Variants in ACTL8 observed in about 807,000 individuals in gnomAD.
The protein encoded by ACTL8 is actin like 8.
Under a neutral mutation model 9.3 loss-of-function variants are expected in ACTL8, and 3 were observed. The ratio of observed to expected loss-of-function variants is 0.32; its 90% CI spans 0.15 to 0.83. The LOEUF (loss-of-function observed/expected upper bound fraction) is 0.83. Among genes scored for constraint, ACTL8 ranks in the 40% least tolerant of loss-of-function variants. ACTL8 has a pLI of 0.57. For synonymous variants in ACTL8, 224 were observed against 205.9 expected (o/e 1.09, Z -0.75); for missense variants, 381 against 492.2 (o/e 0.77, Z 2.14).
chr1:17,827,027 T>C lies in ACTL8; in HGVS notation c.*508T>C, dbSNP rs2053729357. 1 of 152,646 alleles carries C rather than the reference T, an allele frequency of 6.6e-6. No individual in the cohort carries two copies. The highest frequency in any genetic ancestry group is 2.4e-5 in the African/African-American group (1 of 41,438). The allele number at this position is 152,646 out of a possible 1,614,324, so 9.5% of individuals were successfully genotyped here. The stretch of plus-strand genomic sequence containing the variant: ...CCTTGCCACCCGTGGTTGGATCTTG[T>C]TTTATATCTGCAAATAAATAGCTTG... On this transcript the variant is annotated 3_prime_UTR_variant, in exon 3 of 3. Coordinates refer to ENST00000375406, the MANE Select transcript of ACTL8 (RefSeq NM_030812.3).
chr1:17,765,379 C>T (rs1356934491), intron 1 of ACTL8, among the ~76,000 whole-genome samples: 1 of 152,166 alleles, frequency 6.6e-6, no homozygotes, highest in Admixed American at 6.5e-5. Flanking sequence ...CTCCTTGCCT[C>T]CAAACCACCT....
chr1:17,826,609 A>C lies in ACTL8; in HGVS notation c.*90A>C. Reference sequence around the variant, plus strand: ...AAATGTTCTGGGTGGGGGTAGAATGAGGTGGGGTGGGGTGAGCTGGCTTTG... The same window carrying C: ...AAATGTTCTGGGTGGGGGTAGAATGCGGTGGGGTGGGGTGAGCTGGCTTTG... On this transcript the variant is annotated 3_prime_UTR_variant, in exon 3 of 3. Transcript: ENST00000375406. This position sits in a 1 kb window ranked among gnomAD's most constrained non-coding sequence, Gnocchi z 4.5. 2 of 917,758 alleles carry C rather than the reference A, an allele frequency of 2.2e-6. No individual in the cohort carries two copies. The highest frequency in any genetic ancestry group is 3.6e-5 in the East Asian group (1 of 27,904). 56.9% of individuals were successfully genotyped at this position (917,758 alleles called of 1,614,324 possible). A position where few individuals can be genotyped will look rare whatever the true frequency, so the allele number is the denominator to read the frequency against.
At chr1:17,775,461 A>G (rs1044101067) in intron 1 of ACTL8, among the ~76,000 whole-genome samples, 12 of 152,128 alleles carry the variant, frequency 7.9e-5, no homozygotes, top group African/African-American at 2.7e-4. Flanking sequence ...AGGGAAGTGA[A>G]GAGAGAGGTA....
intron 1 of ACTL8, among the ~76,000 whole-genome samples, chr1:17,798,880 A>T (rs1319330997): frequency 6.6e-6 from 1 of 152,214 alleles, no homozygotes; most frequent in African/African-American, 2.4e-5. Context: ...CTTAACCGAC[A>T]TCACTAGTCT....
intron 1 of ACTL8, among the ~76,000 whole-genome samples, chr1:17,802,934 G>A (rs753027226): frequency 2.0e-5 from 3 of 152,158 alleles, no homozygotes; most frequent in African/African-American, 7.2e-5. Context: ...GCAGTAAGCC[G>A]AGATCGTGCC....
chr1:17,770,229 TTAGCC>T (rs905099519), intron 1 of ACTL8, among the ~76,000 whole-genome samples: 4 of 152,222 alleles, frequency 2.6e-5, no homozygotes, highest in Admixed American at 6.5e-5. Flanking sequence ...TGCTGCAGAC[TTAGCC>T]TAGCCTAGTT....
rs1557449147 is a variant in ACTL8 at position 17,823,024 on chromosome 1, GT to G, written c.18del (p.Ile7SerfsTer9). MAART[V>X]IIDHGSGFLK... ...TGCCTCCGCCATGGCTGCAAGAACCGTTATCATTGACCACGGGTCTGGCTTT... is the reference window on the plus strand; with the variant it reads ...TGCCTCCGCCATGGCTGCAAGAACCGTATCATTGACCACGGGTCTGGCTTT... On this transcript the variant is annotated frameshift_variant, in exon 2 of 3. Transcript: ENST00000375406. LOFTEE classifies it high-confidence loss of function. The surrounding 1 kb of genome is among the most constrained non-coding windows in gnomAD (Gnocchi z 5.3). 1 of 1,613,934 alleles carries G rather than the reference GT, an allele frequency of 6.2e-7. No homozygotes were observed. Among genetic ancestry groups the G allele is most frequent in the Non-Finnish European group, 8.5e-7 (1 of 1,179,938 alleles).
chr1:17,781,274 C>T (rs185005855), intron 1 of ACTL8, among the ~76,000 whole-genome samples: 20 of 151,050 alleles, frequency 1.3e-4, no homozygotes, highest in Admixed American at 9.9e-4. Flanking sequence ...AGAGTCTCAC[C>T]CTGTCACCCA....
intron 1 of ACTL8, among the ~76,000 whole-genome samples, chr1:17,787,239 A>G (rs1187657469): frequency 6.6e-6 from 1 of 152,030 alleles, no homozygotes; most frequent in African/African-American, 2.4e-5. Flanking sequence ...TCCTATGGAA[A>G]TCCTCCCACC....
At chr1:17,789,707 A>C (rs900947106) in intron 1 of ACTL8, among the ~76,000 whole-genome samples, 2 of 152,232 alleles carry the variant, frequency 1.3e-5, no homozygotes, top group Admixed American at 1.3e-4. Context: ...ACTTGGGTTC[A>C]GAGAGGTTGA....
Position 17,825,793 on chromosome 1 carries a change from A to T in ACTL8, c.375A>T (p.Pro125=). The change falls in exon 3 of 3, where the codon CCA becomes CCT. Residue 125 remains proline, a synonymous_variant. Coordinates refer to ENST00000375406, the MANE Select transcript of ACTL8 (RefSeq NM_030812.3). ...TCCTGTTTGAGTTGCTGCATGTCCC[A>T]TCGGTCCTCCTGGCCGACCAGCTGC... ...LEILFELLHV[P]SVLLADQLQM... The T allele has an allele frequency of 6.2e-7, 1 of 1,613,730 alleles. No individual in the cohort carries two copies.
intron 2 of ACTL8, among the ~76,000 whole-genome samples, chr1:17,824,924 A>AGG (rs56913648): frequency 0.024 from 3,709 of 151,958 alleles, 142 homozygotes; most frequent in African/African-American, 0.084. Flanking sequence ...GTAGTAATGG[A>AGG]GGGAGCCCCC....
chr1:17,760,456 A>G (rs2065993064), intron 1 of ACTL8, among the ~76,000 whole-genome samples: 1 of 152,174 alleles, frequency 6.6e-6, no homozygotes, highest in Non-Finnish European at 1.5e-5. Context: ...GGGATGAAGC[A>G]TGAGGGGCAC....
In ACTL8 at chr1:17,826,420, C is replaced by T; in HGVS notation, c.1002C>T (p.Asn334=). 6.2e-7 allele frequency: 1 copy of T among 1,614,090 alleles called. No homozygotes were observed. The highest frequency in any genetic ancestry group is 8.5e-7 in the Non-Finnish European group (1 of 1,180,014). ...CAGTCTGGGAGGGTTCCAATAGAAA[C>T]TTTAGTGTCTGGCTAGGAGCGTCCG... is the stretch of plus-strand genomic sequence containing the variant. ...KATVWEGSNR[N]FSVWLGASVV... Residue 334 remains asparagine, a synonymous_variant, in exon 3 of 3, where the codon AAC becomes AAT. Transcript: ENST00000375406. The surrounding 1 kb of genome is among the most constrained non-coding windows in gnomAD (Gnocchi z 4.5).
At position 17,826,420 on chromosome 1, in the gene ACTL8, C is replaced by G. The variant is rs767035644; in HGVS notation, c.1002C>G (p.Asn334Lys). The change falls in exon 3 of 3, where the codon AAC becomes AAG. Residue 334 changes from asparagine to lysine, a missense_variant. This residue lies in a region of ACTL8 where 243 missense variants were observed against 276.2 expected (regional missense o/e 0.88). Transcript: ENST00000375406. The surrounding 1 kb of genome is among the most constrained non-coding windows in gnomAD (Gnocchi z 4.5). Reference protein sequence around the residue: ...KATVWEGSNRNFSVWLGASVV... With the variant: ...KATVWEGSNRKFSVWLGASVV... ...CAGTCTGGGAGGGTTCCAATAGAAA[C>G]TTTAGTGTCTGGCTAGGAGCGTCCG... is the stretch of plus-strand genomic sequence containing the variant. The G allele has an allele frequency of 6.2e-7, 1 of 1,614,090 alleles. No homozygotes were observed. The highest frequency in any genetic ancestry group is 8.5e-7 in the Non-Finnish European group (1 of 1,180,014).
intron 1 of ACTL8, among the ~76,000 whole-genome samples, chr1:17,763,512 G>A (rs961514525): frequency 6.6e-6 from 1 of 152,134 alleles, no homozygotes; most frequent in African/African-American, 2.4e-5. Flanking sequence ...ACTTCTGCGG[G>A]ACCCTCGGCC....
chr1:17,782,415 C>T (rs2066162852), intron 1 of ACTL8, among the ~76,000 whole-genome samples: 1 of 151,850 alleles, frequency 6.6e-6, no homozygotes, highest in Non-Finnish European at 1.5e-5. Context: ...CAATATCTGT[C>T]CATGGTAGGA....
intron 1 of ACTL8, among the ~76,000 whole-genome samples, chr1:17,772,248 T>C (rs911863932): frequency 6.6e-6 from 1 of 152,204 alleles, no homozygotes. Context: ...TTTTAAAAAT[T>C]AGTGTTATGG....
intron 1 of ACTL8, among the ~76,000 whole-genome samples, chr1:17,781,229 TTTTC>T (rs2066152504): frequency 6.9e-6 from 1 of 145,216 alleles, no homozygotes; most frequent in African/African-American, 2.5e-5. Context: ...ATCAGGAACA[TTTTC>T]TTTCTTTTTT....
Sources: gnomAD v4.1 joint callset for allele counts (sites outside exome capture counted in the v4.1 genomes callset) on GRCh38, gnomAD v4.1.1 for gene constraint, gnomAD v4.1.1 regional missense constraint, Gnocchi (gnomAD v3.1) non-coding constraint, MANE v1.5 for transcripts, NCBI Gene and HGNC (gene_info 2026-07-23, HGNC 2026-07-21) for gene names.